The following ANXA11 variants were observed in gnomAD, a reference collection of about 807,000 sequenced individuals.
The protein encoded by ANXA11 is annexin A11.
In ANXA11, 57 loss-of-function variants were observed where a neutral mutation model predicts 64.7. The observed-to-expected ratio is 0.88, with a 90% CI of 0.71 to 1.10. The LOEUF is 1.10. Among genes scored for constraint, ANXA11 ranks in the 50% least tolerant of loss-of-function variants. The pLI is 0.00. For missense variants in ANXA11, 675 were observed against 670.7 expected (o/e 1.01, Z -0.07); for synonymous variants, 260 against 265.2 (o/e 0.98, Z 0.19).
rs762030128 is a variant in ANXA11, at chr10:80,162,021, T to C, written c.1094A>G (p.Tyr365Cys). 1 of 1,610,872 alleles carries C rather than the reference T, an allele frequency of 6.2e-7. No homozygotes were observed. ...TCCCAGGCGGTTCTCCCCGGCCGCATACAGCTCCTGGAGAGAGAGGAAGAC... is the reference window on the plus strand; with the variant it reads ...TCCCAGGCGGTTCTCCCCGGCCGCACACAGCTCCTGGAGAGAGAGGAAGAC... ...SLAQRDAQEL[Y>C]AAGENRLGTD... Residue 365 changes from tyrosine to cysteine, a missense_variant, in exon 12 of 16, where the codon TAT (tyrosine) becomes TGT (cysteine). Coordinates refer to ENST00000422982, the MANE Select transcript of ANXA11 (RefSeq NM_145868.2).
intron 1 of ANXA11, among the ~76,000 whole-genome samples, chr10:80,180,225 T>C (rs2789692): frequency 0.063 from 9,593 of 152,132 alleles, 311 homozygotes; most frequent in Middle Eastern, 0.099. Flanking sequence ...GACTCAGTCA[T>C]CCCCCTACCA....
chr10:80,190,743 C>A (rs1244580183), intron 1 of ANXA11, among the ~76,000 whole-genome samples: 1 of 149,550 alleles, frequency 6.7e-6, no homozygotes, highest in African/African-American at 2.4e-5. Flanking sequence ...CCTTGGCCTC[C>A]CAAAGTGCTG....
chr10:80,166,733 A>G, intron 7 of ANXA11, 157 bp downstream of exon 7: 1 of 644,084 alleles, frequency 1.6e-6, no homozygotes, highest in South Asian at 1.9e-5. Context: ...TCACCTCCCA[A>G]CGATGCCACC....
chr10:80,178,011 C>T (rs774926126), intron 1 of ANXA11, among the ~76,000 whole-genome samples: 7 of 152,226 alleles, frequency 4.6e-5, no homozygotes, highest in Non-Finnish European at 8.8e-5. Flanking sequence ...GTCCAGTCTT[C>T]TGGTAACTGT....
In ANXA11 at chr10:80,152,301, A is replaced by C. The variant is rs1260360489; in HGVS notation, c.*3552T>G. 1 of 152,224 alleles carries C rather than the reference A, an allele frequency of 6.6e-6. No individual in the cohort carries two copies. The highest frequency in any genetic ancestry group is 2.4e-5 in the African/African-American group (1 of 41,456). The allele number at this position is 152,224 out of a possible 1,614,324, so 9.4% of individuals were successfully genotyped here. On this transcript the variant is annotated 3_prime_UTR_variant, in exon 16 of 16. Coordinates refer to ENST00000422982, the MANE Select transcript of ANXA11 (RefSeq NM_145868.2). ...TCTCCCTATCTTTTTTGTCCTAAGC[A>C]TAATAAACAGTGTTGATCCCAACCT...
In ANXA11 at chr10:80,163,535, TGA is replaced by T. The variant is rs756281507; in HGVS notation, c.1026_1027del (p.Gln343GlyfsTer4). On this transcript the variant is annotated frameshift_variant and splice_region_variant, in exon 10 of 16. Transcript: ENST00000422982. LOFTEE classifies it high-confidence loss of function. ...CGAGCCCTGTCGTGGGAAAAGTACC[TGA>T]GAGAGAGAGATGAGGAGCCGCTGGA... The T allele has an allele frequency of 8.8e-6, 14 of 1,583,604 alleles. No individual in the cohort carries two copies. Among genetic ancestry groups the T allele is most frequent in the South Asian group, 1.1e-5 (1 of 87,402 alleles).
intron 1 of ANXA11, among the ~76,000 whole-genome samples, chr10:80,182,385 C>T (rs888902047): frequency 1.4e-4 from 22 of 152,088 alleles, no homozygotes; most frequent in African/African-American, 5.1e-4. Flanking sequence ...AAGCATTCTT[C>T]CCTCTATCCT....
In ANXA11 at chr10:80,159,136, T is replaced by C. The variant is rs779137776; in HGVS notation, c.1240A>G (p.Met414Val). The C allele has an allele frequency of 2.4e-5, 38 of 1,614,094 alleles. No individual in the cohort carries two copies. The highest frequency in any genetic ancestry group is 3.2e-5 in the Non-Finnish European group (38 of 1,180,026). Residue 414 changes from methionine (M) to valine (V), a missense_variant, in exon 13 of 16, where the codon ATG (methionine) becomes GTG (valine). Coordinates refer to ENST00000422982, the MANE Select transcript of ANXA11 (RefSeq NM_145868.2). ...ATGCCCTCCTCCAGGTCCCCGGACA[T>C]CTCCCGGCAGATGCTCTTCTCAATG... ...RDIEKSICRE[M>V]SGDLEEGMLA... is the part of the protein sequence containing the mutation.
intron 1 of ANXA11, among the ~76,000 whole-genome samples, chr10:80,194,761 G>A (rs1431232673): frequency 6.6e-6 from 1 of 152,198 alleles, no homozygotes; most frequent in Admixed American, 6.5e-5. Context: ...TTGGAGGGAG[G>A]AAAGGGCTGC....
At chr10:80,168,252 C>CA (rs1554832264) in intron 5 of ANXA11, among the ~76,000 whole-genome samples, 1 of 95,076 alleles carries the variant, frequency 1.1e-5, no homozygotes, top group Non-Finnish European at 2.2e-5. Flanking sequence ...CTGTCTGTGC[C>CA]GGGGGGGGCG....
At chr10:80,190,360 T>C (rs1352192026) in intron 1 of ANXA11, among the ~76,000 whole-genome samples, 1 of 152,272 alleles carries the variant, frequency 6.6e-6, no homozygotes, top group African/African-American at 2.4e-5. Context: ...AAACTAATTA[T>C]TGAAAACTAT....
At chr10:80,182,769 C>T (rs888786235) in intron 1 of ANXA11, among the ~76,000 whole-genome samples, 11 of 152,234 alleles carry the variant, frequency 7.2e-5, no homozygotes, top group African/African-American at 2.7e-4. Context: ...ACTCTCTTCA[C>T]TCCGGGAGAA....
intron 15 of ANXA11, 71 bp from the exon 16 acceptor site, chr10:80,155,983 T>C: frequency 1.3e-6 from 2 of 1,500,094 alleles, no homozygotes; most frequent in Non-Finnish European, 1.9e-6. Flanking sequence ...GGTCCTGATA[T>C]TCAGCCCTGA....
rs1845214247 is a variant in ANXA11, at chr10:80,154,404, A to AC, written c.*1448_*1449insG. 6.6e-6 allele frequency: 1 copy of AC among 152,062 alleles called. No homozygotes were observed. The highest frequency in any genetic ancestry group is 2.1e-4 in the South Asian group (1 of 4,824). 9.4% of individuals were successfully genotyped at this position (152,062 alleles called of 1,614,324 possible). On this transcript the variant is annotated 3_prime_UTR_variant, in exon 16 of 16. Transcript: ENST00000422982. The stretch of plus-strand genomic sequence containing the variant: ...GCCGTGAGCCACCACGCCTGGCCAA[A>AC]TTTTTTAGTAGAGACAGGGGTCTCG...
chr10:80,185,945 TC>T (rs1439462142), intron 1 of ANXA11, among the ~76,000 whole-genome samples: 1 of 152,186 alleles, frequency 6.6e-6, no homozygotes, highest in Non-Finnish European at 1.5e-5. Flanking sequence ...AAGTCCGGTT[TC>T]ACTGTATGAA....
chr10:80,205,798 C>T (rs1840655862), upstream of ANXA11, among the ~76,000 whole-genome samples: 1 of 152,188 alleles, frequency 6.6e-6, no homozygotes. Context: ...GCCCCGTGTG[C>T]GTCGGTTAGT....
chr10:80,198,743 G>C (rs199737261), intron 1 of ANXA11, among the ~76,000 whole-genome samples: 1 of 145,684 alleles, frequency 6.9e-6, no homozygotes, highest in African/African-American at 2.7e-5. Context: ...AAGAGTGAGA[G>C]AGTGAGTGAG....
rs186871273 is a variant in ANXA11 at position 80,190,776 on chromosome 10, C to T, written c.-58+14567G>A. 5.4e-5 allele frequency among the ~76,000 whole-genome samples: 8 copies of T among 147,930 alleles called. No individual in the cohort carries two copies. In the East Asian group the frequency reaches 6.2e-4, roughly 12 times the overall value. ...CTGGGGTTACAGGCGTGAGCCACCA[C>T]GCCTGGCCAAAAAATTTTTAAAGAA... On this transcript the variant is annotated intron_variant, in intron 1 of 15. Transcript: ENST00000422982.
At chr10:80,177,302 T>C (rs1351997693) in intron 1 of ANXA11, among the ~76,000 whole-genome samples, 1 of 152,168 alleles carries the variant, frequency 6.6e-6, no homozygotes, top group African/African-American at 2.4e-5. Flanking sequence ...TTTAGTTCTT[T>C]TCAGGACCAA....
Sources: allele counts gnomAD v4.1 joint callset (sites outside exome capture counted in the v4.1 genomes callset), GRCh38; gene constraint gnomAD v4.1.1; transcripts MANE v1.5; gene names NCBI Gene and HGNC (gene_info 2026-07-23, HGNC 2026-07-21).